Variants in CSRNP3 observed in about 807,000 individuals in gnomAD.
CSRNP3 encodes cysteine/serine-rich nuclear protein 3.
A neutral mutation model predicts 48.0 loss-of-function variants in CSRNP3; 12 were observed. The observed-to-expected ratio is 0.25, with a 90% CI of 0.16 to 0.41. CSRNP3 has a LOEUF of 0.41. Among genes scored for constraint, CSRNP3 ranks in the 10% least tolerant of loss-of-function variants. The pLI, the probability that CSRNP3 is intolerant of heterozygous loss-of-function variation, is 1.00. For synonymous variants in CSRNP3, 263 were observed against 269.7 expected, an observed-to-expected ratio of 0.98 and a Z score of 0.24; for missense variants, 580 against 724.4, an observed-to-expected ratio of 0.80 and a Z score of 2.29.
chr2:165,642,679 G>T (rs1415131666), intron 4 of CSRNP3, among the ~76,000 whole-genome samples: 1 of 151,526 alleles, frequency 6.6e-6, no homozygotes, highest in Non-Finnish European at 1.5e-5. Flanking sequence ...TCTCCTGCCT[G>T]AGACTCCCAA....
chr2:165,667,428 GT>G (rs1179270655), intron 5 of CSRNP3, among the ~76,000 whole-genome samples: 2 of 151,916 alleles, frequency 1.3e-5, no homozygotes, highest in African/African-American at 4.8e-5. Flanking sequence ...CTAGAATATT[GT>G]TATTCAGAAC....
At chr2:165,470,067 G>A (rs760442652) in intron 1 of CSRNP3, among the ~76,000 whole-genome samples, 1 of 152,076 alleles carries the variant, frequency 6.6e-6, no homozygotes, top group South Asian at 2.1e-4. Context: ...TTTAATTCAA[G>A]CTTGTTACTA....
chr2:165,485,494 C>T (rs1050010604), intron 1 of CSRNP3, among the ~76,000 whole-genome samples: 21 of 152,174 alleles, frequency 1.4e-4, no homozygotes, highest in African/African-American at 4.8e-5. Context: ...CACTTCAAGA[C>T]GAGCATCTCT....
chr2:165,587,458 A>G (rs757024091), intron 3 of CSRNP3, among the ~76,000 whole-genome samples: 1 of 152,226 alleles, frequency 6.6e-6, no homozygotes, highest in Non-Finnish European at 1.5e-5. Context: ...TCTCGGCCTA[A>G]TGGCCACGTA....
At chr2:165,471,105 A>G (rs1558909277) in intron 1 of CSRNP3, among the ~76,000 whole-genome samples, 1 of 151,992 alleles carries the variant, frequency 6.6e-6, no homozygotes, top group Non-Finnish European at 1.5e-5. Flanking sequence ...ATTGCTGAAT[A>G]TTAGTATGGA....
chr2:165,535,895 G>A (rs931680052), intron 3 of CSRNP3, among the ~76,000 whole-genome samples: 1 of 151,842 alleles, frequency 6.6e-6, no homozygotes, highest in African/African-American at 2.4e-5. Context: ...GCCATATTTA[G>A]TCATTCTAGA....
intron 5 of CSRNP3, among the ~76,000 whole-genome samples, chr2:165,671,294 GA>G (rs560621247): frequency 8.2e-4 from 125 of 152,244 alleles, no homozygotes; most frequent in African/African-American, 3.0e-3. Flanking sequence ...ATGTCAAGAG[GA>G]AAAAAATGGA....
At chr2:165,570,964 T>C (rs1386504898) in intron 3 of CSRNP3, among the ~76,000 whole-genome samples, 1 of 151,958 alleles carries the variant, frequency 6.6e-6, no homozygotes, top group Non-Finnish European at 1.5e-5. Flanking sequence ...TATTAACTCA[T>C]TGTATTTAAA....
chr2:165,513,285 G>A (rs1949284), intron 2 of CSRNP3, among the ~76,000 whole-genome samples: 74,865 of 151,958 alleles, frequency 0.49, 19,351 homozygotes, highest in African/African-American at 0.64. Flanking sequence ...AGATGCAATT[G>A]AACTATTTCA....
intron 1 of CSRNP3, among the ~76,000 whole-genome samples, chr2:165,490,512 C>G (rs1684189295): frequency 1.5e-5 from 2 of 136,838 alleles, no homozygotes; most frequent in Non-Finnish European, 3.1e-5. Flanking sequence ...GCCAAAAGAA[C>G]AAAGCTGGAG....
chr2:165,547,365 C>A (rs1685044373), intron 3 of CSRNP3, among the ~76,000 whole-genome samples: 1 of 152,032 alleles, frequency 6.6e-6, no homozygotes, highest in Non-Finnish European at 1.5e-5. Flanking sequence ...CAGATAATGC[C>A]AAATTACTGA....
chr2:165,621,155 TC>T, intron 4 of CSRNP3, among the ~76,000 whole-genome samples: 1 of 152,140 alleles, frequency 6.6e-6, no homozygotes, highest in East Asian at 1.9e-4. Context: ...AAATCCCAGT[TC>T]CTGGTTAGCA....
chr2:165,500,660 G>A (rs939282060), intron 2 of CSRNP3, among the ~76,000 whole-genome samples: 1 of 151,922 alleles, frequency 6.6e-6, no homozygotes, highest in Non-Finnish European at 1.5e-5. Flanking sequence ...GTTTCACTAT[G>A]TTAGCCAGGC....
At chr2:165,676,723 A>C in intron 6 of CSRNP3, 115 bp downstream of exon 6, 1 of 781,926 alleles carries the variant, frequency 1.3e-6, no homozygotes, top group Non-Finnish European at 2.0e-6. Context: ...ATTTTTTGGC[A>C]AGGCAAGACA....
At chr2:165,509,574 A>G (rs558017428) in intron 2 of CSRNP3, among the ~76,000 whole-genome samples, 13 of 152,334 alleles carry the variant, frequency 8.5e-5, no homozygotes, top group African/African-American at 2.9e-4. Context: ...AGACATGAAC[A>G]TGAATTATTT....
At chr2:165,552,572 AATTATC>A (rs1378040763) in intron 3 of CSRNP3, among the ~76,000 whole-genome samples, 7 of 152,082 alleles carry the variant, frequency 4.6e-5, no homozygotes, top group African/African-American at 1.4e-4. Flanking sequence ...AAAAGGGGCA[AATTATC>A]ATTATCTTCT....
At chr2:165,544,555 A>G (rs1386368263) in intron 3 of CSRNP3, among the ~76,000 whole-genome samples, 1 of 148,826 alleles carries the variant, frequency 6.7e-6, no homozygotes, top group Non-Finnish European at 1.5e-5. Context: ...AGATCTTTTC[A>G]GGAGGCTTGG....
chr2:165,515,144 C>T (rs1684559433), intron 2 of CSRNP3, among the ~76,000 whole-genome samples: 1 of 133,132 alleles, frequency 7.5e-6, no homozygotes. Flanking sequence ...ATGGTGAAAC[C>T]CCGTCTCAAC....
intron 3 of CSRNP3, among the ~76,000 whole-genome samples, chr2:165,543,073 CAGTT>C (rs915860896): frequency 2.6e-5 from 4 of 152,060 alleles, no homozygotes; most frequent in African/African-American, 7.2e-5. Context: ...CTGAGGGTGA[CAGTT>C]AGCTGGCTTC....
Sources: allele counts gnomAD v4.1 joint callset (sites outside exome capture counted in the v4.1 genomes callset), GRCh38; gene constraint gnomAD v4.1.1; transcripts MANE v1.5; gene names NCBI Gene and HGNC (gene_info 2026-07-23, HGNC 2026-07-21).